NRK: variants seen among roughly 807,000 people sequenced by gnomAD.
NRK encodes the protein nik-related protein kinase.
Under a neutral mutation model 125.2 loss-of-function variants are expected in NRK, and 67 were observed. That is an observed-to-expected ratio of 0.54 (90% confidence interval 0.44 to 0.66). The LOEUF (loss-of-function observed/expected upper bound fraction) is 0.66, where lower values mean the gene tolerates loss of function less well. Among genes scored for constraint, NRK ranks in the 30% least tolerant of loss-of-function variants. The pLI is 0.00. For synonymous variants in NRK, 458 were observed against 429.0 expected (o/e 1.07, Z -0.84); for missense variants, 1,224 against 1,192.9 (o/e 1.03, Z -0.38).
intron 2 of NRK, among the ~76,000 whole-genome samples, chrX:105,871,766 T>G (rs989987212): frequency 2.7e-5 from 3 of 111,900 alleles, no homozygotes; most frequent in African/African-American, 9.8e-5. Context: ...TTTATGTTGC[T>G]AAAACAGCTT....
At chrX:105,888,268 C>A (rs1195281792) in intron 4 of NRK, 26 bp from the exon 5 acceptor site, 3 of 1,174,057 alleles carry the variant, frequency 2.6e-6, no homozygotes, top group Non-Finnish European at 1.1e-6. Flanking sequence ...AGTTTAGGAG[C>A]TTTGCTGTCT....
At chrX:105,906,934 T>C (rs1389294425) in intron 11 of NRK, among the ~76,000 whole-genome samples, 1 of 110,652 alleles carries the variant, frequency 9.0e-6, no homozygotes, top group Non-Finnish European at 1.9e-5. Context: ...AAATAAAAGA[T>C]AAAAGGTAAC....
At position 105,909,253 on chromosome X, in the gene NRK, C is replaced by A. The variant is rs74562320; in HGVS notation, c.1612C>A (p.Gln538Lys). 1 of 1,209,024 alleles carries A rather than the reference C, an allele frequency of 8.3e-7. No homozygotes were observed. Among genetic ancestry groups the A allele is most frequent in the Non-Finnish European group, 1.1e-6 (1 of 894,081 alleles). The change falls in exon 13 of 29, where the codon CAA (glutamine) becomes AAA (lysine). Residue 538 changes from glutamine (Q) to lysine (K), a missense_variant. By Grantham distance (53) the Gln-to-Lys change is moderately conservative (BLOSUM62 1). Coordinates refer to ENST00000243300, the MANE Select transcript of NRK (RefSeq NM_198465.4). The part of the protein sequence containing the change: ...EQQRQGQAPE[Q>K]QQRHNQVPEQ... ...ACAAAGGCAGGGCCAGGCCCCTGAACAACAGCAGAGGCACAACCAGGTGCC... is the reference window on the plus strand; with the variant it reads ...ACAAAGGCAGGGCCAGGCCCCTGAAAAACAGCAGAGGCACAACCAGGTGCC...
Position 105,945,803 on chromosome X carries a change from A to G in NRK, c.4060-69A>G, listed in dbSNP as rs2040804112. On this transcript the variant is annotated intron_variant, in intron 24 of 28. Coordinates refer to ENST00000243300, the MANE Select transcript of NRK (RefSeq NM_198465.4). ...GGCCTTTTGTTTTGGACTAGAAACC[A>G]TAGGAGCCTAGAGTACATACCCAGT... 5.0e-6 allele frequency: 5 copies of G among 991,930 alleles called. 1 individual carries two copies. In the South Asian group the frequency reaches 6.7e-5, roughly 13 times the overall value. 81.7% of individuals were successfully genotyped at this position (991,930 alleles called of 1,213,427 possible). A position where few individuals can be genotyped will look rare whatever the true frequency, so the allele number is the denominator to read the frequency against.
At chrX:105,917,529 C>T in intron 15 of NRK, 49 bp from the exon 16 acceptor site, 1 of 770,756 alleles carries the variant, frequency 1.3e-6, no homozygotes, top group Non-Finnish European at 1.8e-6. Context: ...TTGTACATTC[C>T]CTTTATGAAT....
At chrX:105,875,104 A>G (rs969500107) in intron 2 of NRK, among the ~76,000 whole-genome samples, 10 of 111,498 alleles carry the variant, frequency 9.0e-5, no homozygotes, top group African/African-American at 2.9e-4. Context: ...GAGATCCAAT[A>G]ATTTATGTTA....
intron 9 of NRK, among the ~76,000 whole-genome samples, 197 bp from the exon 10 acceptor site, chrX:105,905,068 G>C (rs2040203408): frequency 8.9e-6 from 1 of 112,087 alleles, no homozygotes; most frequent in Non-Finnish European, 1.9e-5. Flanking sequence ...TGAAACTTGA[G>C]AATCTTATAT....
chrX:105,910,756 G>C (rs1264682428), intron 13 of NRK, among the ~76,000 whole-genome samples: 1 of 111,431 alleles, frequency 9.0e-6, no homozygotes, highest in African/African-American at 3.3e-5. Flanking sequence ...GATGGTCCTT[G>C]AAATCATCAG....
chrX:105,921,912 A>G (rs182386971), intron 16 of NRK, 52 bp from the exon 17 acceptor site: 45 of 578,784 alleles, frequency 7.8e-5, no homozygotes, highest in African/African-American at 7.7e-4. Context: ...ATACATATGA[A>G]GGCAATGGCT....
intron 24 of NRK, 139 bp from the exon 25 acceptor site, chrX:105,945,733 G>A: frequency 2.1e-6 from 1 of 486,100 alleles, no homozygotes; most frequent in Non-Finnish European, 3.5e-6. Flanking sequence ...ATCCTGTGAT[G>A]CTCAGTCCTC....
chrX:105,842,159 A>G (rs1378370325), intron 2 of NRK, among the ~76,000 whole-genome samples: 8 of 111,750 alleles, frequency 7.2e-5, no homozygotes, highest in Non-Finnish European at 1.3e-4. Flanking sequence ...TAATGAGCTG[A>G]GGTCGGTAAT....
At position 105,924,727 on chromosome X, in the gene NRK, A is replaced by C; in HGVS notation, c.3008A>C (p.Gln1003Pro). The C allele has an allele frequency of 8.3e-7, 1 of 1,201,343 alleles. No homozygotes were observed. The highest frequency in any genetic ancestry group is 1.1e-6 in the Non-Finnish European group (1 of 890,027). The change falls in exon 19 of 29, where the codon CAA (glutamine) becomes CCA (proline). Residue 1003 changes from glutamine (Q) to proline (P), a missense_variant. Gln to Pro is a moderately conservative substitution (Grantham distance 76, BLOSUM62 -1). Transcript: ENST00000243300. ...ASYGRDGSCK[Q>P]DGYDGSRGKE... ...TATGGCAGAGATGGAAGCTGCAAGC[A>C]AGATGGTTATGATGGAAGTCGTGGA...
intron 2 of NRK, among the ~76,000 whole-genome samples, chrX:105,832,866 TAAAA>T (rs1283073689): frequency 9.2e-6 from 1 of 108,911 alleles, no homozygotes; most frequent in Non-Finnish European, 1.9e-5. Context: ...TACAAAAAAT[TAAAA>T]AGAAAAAGTT....
chrX:105,878,815 A>G (rs1316525186), intron 2 of NRK, among the ~76,000 whole-genome samples: 1 of 111,603 alleles, frequency 9.0e-6, no homozygotes, highest in Admixed American at 9.5e-5. Context: ...ATCCCAAGTC[A>G]AGCACATTAC....
At chrX:105,847,986 T>A (rs1355400755) in intron 2 of NRK, among the ~76,000 whole-genome samples, 2 of 112,172 alleles carry the variant, frequency 1.8e-5, no homozygotes, top group Non-Finnish European at 3.8e-5. Flanking sequence ...AGGCAAAAGT[T>A]TTTTATCAAT....
intron 25 of NRK, 100 bp downstream of exon 25, chrX:105,946,115 T>C: frequency 1.1e-6 from 1 of 890,217 alleles, no homozygotes; most frequent in Non-Finnish European, 1.6e-6. Context: ...ATTTTGAAGC[T>C]ATTGAACATA....
chrX:105,902,999 G>C (rs772083776), intron 9 of NRK, among the ~76,000 whole-genome samples: 4 of 111,268 alleles, frequency 3.6e-5, no homozygotes, highest in Non-Finnish European at 7.5e-5. Context: ...TTTCTGGGTA[G>C]GAATTCAAAC....
intron 26 of NRK, chrX:105,948,735 A>C: frequency 2.0e-6 from 1 of 496,344 alleles, no homozygotes; most frequent in Non-Finnish European, 3.6e-6. Flanking sequence ...GGCCTCAAGC[A>C]CCTGGCCTGA....
At position 105,949,731 on chromosome X, in the gene NRK, A is replaced by C; in HGVS notation, c.4510A>C (p.Ile1504Leu). The C allele has an allele frequency of 8.7e-7, 1 of 1,155,762 alleles. No individual in the cohort carries two copies. Among genetic ancestry groups the C allele is most frequent in the Non-Finnish European group, 1.2e-6 (1 of 852,202 alleles). The change falls in exon 27 of 29, where the codon ATA becomes CTA. Residue 1504 changes from isoleucine to leucine, a missense_variant. Ile to Leu is a conservative substitution (Grantham distance 5, BLOSUM62 2). Transcript: ENST00000243300. The part of the protein sequence containing the change: ...LEMWKDIPSS[I>L]AFECTQRTTG... ...AATGTGGAAAGACATACCATCTTCT[A>C]TAGGTATGTATACAATTTATTTCTT...
Sources: allele counts gnomAD v4.1 joint callset (sites outside exome capture counted in the v4.1 genomes callset), GRCh38; gene constraint gnomAD v4.1.1; transcripts MANE v1.5; gene names NCBI Gene and HGNC (gene_info 2026-07-23, HGNC 2026-07-21).